SLC3A2: variants seen among roughly 807,000 people sequenced by gnomAD.
The protein encoded by SLC3A2 is solute carrier family 3 member 2, also known as amino acid transporter heavy chain SLC3A2.
SLC3A2 carries 32 observed loss-of-function variants against 48.5 expected under a neutral mutation model. The observed-to-expected ratio is 0.66, with a 90% CI of 0.50 to 0.89. The LOEUF is 0.89. SLC3A2 is among the 40% of genes least tolerant of loss of function. SLC3A2 has a pLI of 0.00. For synonymous variants in SLC3A2, 277 were observed against 288.8 expected (o/e 0.96, Z 0.41); for missense variants, 587 against 680.7 (o/e 0.86, Z 1.53).
Position 62,881,102 on chromosome 11 carries a change from G to T in SLC3A2, c.79G>T (p.Ala27Ser), listed in dbSNP as rs757945289. 2.7e-4 allele frequency: 429 copies of T among 1,608,596 alleles called. No individual in the cohort carries two copies. Among genetic ancestry groups the T allele is most frequent in the Middle Eastern group, 3.3e-4 (2 of 6,070 alleles). The change falls in exon 1 of 9, where the codon GCG becomes TCG. Residue 27 changes from alanine to serine, a missense_variant. By Grantham distance (99) the Ala-to-Ser change is moderately conservative. This residue lies in a region of SLC3A2 where 409 missense variants were observed against 446.7 expected (regional missense o/e 0.92). Coordinates refer to ENST00000338663, the MANE Select transcript of SLC3A2 (RefSeq NM_001013251.3). The surrounding 1 kb of genome is among the most constrained non-coding windows in gnomAD (Gnocchi z 4.0). ...LEPEKQPMNA[A>S]SGAAMSLAGA... ...GCCCGAGAAGCAGCCGATGAACGCG[G>T]CGTCTGGGGCGGCCATGTCCCTGGC...
intron 1 of SLC3A2, among the ~76,000 whole-genome samples, chr11:62,858,291 C>G: frequency 6.6e-6 from 1 of 152,178 alleles, no homozygotes; most frequent in Middle Eastern, 3.2e-3. Context: ...CTCTGGTGAA[C>G]TGGGCAGCCC....
At position 62,880,937 on chromosome 11, in the gene SLC3A2, G is replaced by A. The variant is rs1377563057; in HGVS notation, c.-87G>A. 6.8e-7 allele frequency: 1 copy of A among 1,477,674 alleles called. No homozygotes were observed. The highest frequency in any genetic ancestry group is 1.4e-5 in the African/African-American group (1 of 71,424). 91.5% of individuals were successfully genotyped at this position (1,477,674 alleles called of 1,614,324 possible). ...ACTGCGCGGAGGCACAGAGGCCGGG[G>A]AGAGCGTTCTGGGTCCGAGGGTCCA... On this transcript the variant is annotated 5_prime_UTR_variant, in exon 1 of 9. Transcript: ENST00000338663.
intron 1 of SLC3A2, among the ~76,000 whole-genome samples, chr11:62,864,316 T>C (rs1301116835): frequency 6.6e-6 from 1 of 152,044 alleles, no homozygotes; most frequent in South Asian, 2.1e-4. Flanking sequence ...GGTTTTTTTT[T>C]TTTTTGAGAT....
At chr11:62,880,805 CGGCTG>C, upstream of SLC3A2, 1 of 976,204 alleles carries the variant, frequency 1.0e-6, no homozygotes, top group Non-Finnish European at 1.4e-6. Flanking sequence ...GAGCCGCCCA[CGGCTG>C]GGGCAGTCCC....
Position 62,885,258 on chromosome 11 carries a change from T to C in SLC3A2, c.900T>C (p.Thr300=), listed in dbSNP as rs1056973135. Residue 300 remains threonine, a synonymous_variant, in exon 6 of 9, where the codon ACT becomes ACC. Transcript: ENST00000338663. ...AATCCAACAAAGACTTGCTGTTGAC[T>C]AGCTCATACCTGTCTGATTCTGGTT... is the stretch of plus-strand genomic sequence containing the variant. ...LLESNKDLLL[T]SSYLSDSGST... 5 of 1,614,096 alleles carry C rather than the reference T, an allele frequency of 3.1e-6. No homozygotes were observed. In the African/African-American group the frequency reaches 6.7e-5, roughly 22 times the overall value.
chr11:62,865,988 G>A (rs1026923265), intron 1 of SLC3A2, among the ~76,000 whole-genome samples: 4 of 152,082 alleles, frequency 2.6e-5, no homozygotes, highest in Admixed American at 2.0e-4. Context: ...GATGTCCACC[G>A]ATGTCACCAG....
In SLC3A2 at chr11:62,885,516, C is replaced by G. The variant is rs1232117887; in HGVS notation, c.1051C>G (p.Leu351Val). ...TSFLPAQLLR[L>V]YQLMLFTLPG... ...CTTCTTGCCGGCTCAACTTCTCCGACTCTACCAGCTGATGCTCTTCACCCT... is the reference window on the plus strand; with the variant it reads ...CTTCTTGCCGGCTCAACTTCTCCGAGTCTACCAGCTGATGCTCTTCACCCT... The change falls in exon 7 of 9, where the codon CTC becomes GTC. Residue 351 changes from leucine to valine, a missense_variant. Around this residue, in one of 3 missense-constraint regions of SLC3A2, gnomAD observed 409 missense variants for 446.7 expected, o/e 0.92. Coordinates refer to ENST00000338663, the MANE Select transcript of SLC3A2 (RefSeq NM_001013251.3). The G allele has an allele frequency of 2.5e-6, 4 of 1,614,078 alleles. No homozygotes were observed. The highest frequency in any genetic ancestry group is 3.4e-6 in the Non-Finnish European group (4 of 1,180,034).
At chr11:62,883,148 G>A (rs2085664939) in intron 3 of SLC3A2, 149 bp downstream of exon 3, 1 of 669,376 alleles carries the variant, frequency 1.5e-6, no homozygotes, top group Admixed American at 2.5e-5. Context: ...TATAGCCAAA[G>A]GATAGGCCAA....
chr11:62,866,027 C>T (rs1330049821), intron 1 of SLC3A2, among the ~76,000 whole-genome samples: 1 of 152,048 alleles, frequency 6.6e-6, no homozygotes, highest in African/African-American at 2.4e-5. Flanking sequence ...GTAAATGTGT[C>T]CTTCGGGTCC....
chr11:62,881,349 G>A lies in SLC3A2; in HGVS notation c.326G>A (p.Cys109Tyr). The A allele has an allele frequency of 6.3e-7, 1 of 1,593,950 alleles. No homozygotes were observed. The highest frequency in any genetic ancestry group is 8.5e-7 in the Non-Finnish European group (1 of 1,174,786). ...AVVIIVRAPR[C>Y]RELPAQKWWH... ...GTCATAATCGTGCGAGCGCCGCGTT[G>A]TCGCGAGCTACCGGCGCAGAAGTGG... The change falls in exon 1 of 9, where the codon TGT (cysteine) becomes TAT (tyrosine). Residue 109 changes from cysteine (C) to tyrosine (Y), a missense_variant. By Grantham distance (194) the Cys-to-Tyr change is radical (BLOSUM62 -2). This residue lies in a region of SLC3A2 where 409 missense variants were observed against 446.7 expected (regional missense o/e 0.92). Coordinates refer to ENST00000338663, the MANE Select transcript of SLC3A2 (RefSeq NM_001013251.3). The surrounding 1 kb of genome is among the most constrained non-coding windows in gnomAD (Gnocchi z 4.0).
intron 1 of SLC3A2, among the ~76,000 whole-genome samples, chr11:62,872,233 G>T (rs1590625721): frequency 1.3e-5 from 2 of 152,216 alleles, no homozygotes; most frequent in South Asian, 4.1e-4. Flanking sequence ...TTTAAAAAAA[G>T]AATTCATTAG....
At chr11:62,884,300 A>G (rs1265037371) in intron 3 of SLC3A2, 157 bp from the exon 4 acceptor site, 9 of 704,822 alleles carry the variant, frequency 1.3e-5, no homozygotes, top group Non-Finnish European at 2.2e-5. Context: ...CCAAAGGCTA[A>G]GCCTTTGTAG....
At chr11:62,873,181 C>T (rs1211788114) in intron 1 of SLC3A2, among the ~76,000 whole-genome samples, 1 of 151,924 alleles carries the variant, frequency 6.6e-6, no homozygotes, top group Non-Finnish European at 1.5e-5. Flanking sequence ...TGCAACCACA[C>T]TCAGCTAATT....
intron 1 of SLC3A2, among the ~76,000 whole-genome samples, chr11:62,860,805 T>C (rs1344915876): frequency 6.6e-6 from 1 of 152,230 alleles, no homozygotes; most frequent in African/African-American, 2.4e-5. Flanking sequence ...ACTGTGTCCC[T>C]GGGTACTCGA....
At chr11:62,882,805 C>A (rs780975222) in intron 2 of SLC3A2, 103 bp from the exon 3 acceptor site, 88 of 978,448 alleles carry the variant, frequency 9.0e-5, no homozygotes, top group Non-Finnish European at 1.4e-4. Context: ...GCTTTTGTAC[C>A]AAGTAATACA....
intron 1 of SLC3A2, among the ~76,000 whole-genome samples, chr11:62,864,648 A>G (rs911220355): frequency 6.6e-6 from 1 of 151,192 alleles, no homozygotes; most frequent in African/African-American, 2.4e-5. Flanking sequence ...TTGTATTTTT[A>G]GTAGAGACGG....
intron 1 of SLC3A2, among the ~76,000 whole-genome samples, chr11:62,869,538 A>AG (rs1197850359): frequency 6.6e-6 from 1 of 150,716 alleles, no homozygotes; most frequent in Non-Finnish European, 1.5e-5. Context: ...AAAAAAAAAA[A>AG]AAAAAAAAGA....
chr11:62,870,313 A>G (rs1342711206), intron 1 of SLC3A2, among the ~76,000 whole-genome samples: 1 of 151,096 alleles, frequency 6.6e-6, no homozygotes, highest in South Asian at 2.1e-4. Flanking sequence ...TCCCAGGTAG[A>G]TGGGACTACA....
At chr11:62,869,397 G>A (rs1391601041) in intron 1 of SLC3A2, among the ~76,000 whole-genome samples, 18 of 151,118 alleles carry the variant, frequency 1.2e-4, no homozygotes, top group African/African-American at 4.1e-4. Context: ...GGTGGCGGGC[G>A]CCTGTAGTCC....
Sources: gnomAD v4.1 joint callset for allele counts (sites outside exome capture counted in the v4.1 genomes callset) on GRCh38, gnomAD v4.1.1 for gene constraint, gnomAD v4.1.1 regional missense constraint, Gnocchi (gnomAD v3.1) non-coding constraint, MANE v1.5 for transcripts, NCBI Gene and HGNC (gene_info 2026-07-23, HGNC 2026-07-21) for gene names.